BLVRB: variants seen among roughly 807,000 people sequenced by gnomAD.
The protein encoded by BLVRB is biliverdin reductase B, also known as flavin reductase (NADPH).
BLVRB carries 25 observed loss-of-function variants against 21.1 expected under a neutral mutation model. The ratio of observed to expected loss-of-function variants is 1.19; its 90% CI spans 0.86 to 1.66. The LOEUF (loss-of-function observed/expected upper bound fraction) is 1.66. BLVRB is among the 40% of genes most tolerant of loss of function. The probability of loss-of-function intolerance (pLI) is 0.00; values close to 1 mark genes in which losing one functional copy is unlikely to be tolerated. For synonymous variants in BLVRB, 128 were observed against 122.2 expected (o/e 1.05, Z -0.31); for missense variants, 274 against 282.7 (o/e 0.97, Z 0.22).
intron 3 of BLVRB, among the ~76,000 whole-genome samples, chr19:40,455,957 CA>C (rs2079760548): frequency 6.6e-6 from 1 of 151,692 alleles, no homozygotes; most frequent in Non-Finnish European, 1.5e-5. Context: ...ACCAAAAATA[CA>C]AAAATTAGCC....
At chr19:40,461,735 T>C (rs977685654) in intron 1 of BLVRB, among the ~76,000 whole-genome samples, 1 of 152,040 alleles carries the variant, frequency 6.6e-6, no homozygotes, top group Non-Finnish European at 1.5e-5. Flanking sequence ...CTCCTGACTG[T>C]GTGATCCACC....
At chr19:40,448,603 C>T (rs1368871041) in intron 4 of BLVRB, among the ~76,000 whole-genome samples, 1 of 63,848 alleles carries the variant, frequency 1.6e-5, no homozygotes, top group Non-Finnish European at 2.8e-5. Context: ...ACAACAACAA[C>T]AACAAATATA....
At chr19:40,460,933 T>A (rs2079784356) in intron 1 of BLVRB, among the ~76,000 whole-genome samples, 1 of 151,174 alleles carries the variant, frequency 6.6e-6, no homozygotes, top group Admixed American at 6.6e-5. Flanking sequence ...GATTGTGCCA[T>A]TGCACGCCAG....
In BLVRB at chr19:40,457,381, A is replaced by C. The variant is rs553243599; in HGVS notation, c.334+774T>G. The stretch of plus-strand genomic sequence containing the variant: ...CCTCATGCCACTTCCCTTTCCAGGG[A>C]GGCAATTTGTGTCATGAAACACACT... On this transcript the variant is annotated intron_variant, in intron 3 of 4. Coordinates refer to ENST00000263368, the MANE Select transcript of BLVRB (RefSeq NM_000713.3). 5.9e-5 allele frequency: 9 copies of C among 152,218 alleles called. No individual in the cohort carries two copies. In the South Asian group the frequency reaches 1.9e-3, roughly 32 times the overall value. The allele number at this position is 152,218 out of a possible 1,614,324, so 9.4% of individuals were successfully genotyped here.
intron 3 of BLVRB, among the ~76,000 whole-genome samples, chr19:40,456,300 G>T (rs971781767): frequency 6.6e-6 from 1 of 152,008 alleles, no homozygotes; most frequent in African/African-American, 2.4e-5. Flanking sequence ...GCTCATACCT[G>T]TTGCCCCAGC....
At chr19:40,460,802 G>T (rs1376373500) in intron 1 of BLVRB, among the ~76,000 whole-genome samples, 6 of 151,836 alleles carry the variant, frequency 4.0e-5, no homozygotes, top group Non-Finnish European at 7.4e-5. Context: ...GGGAAACCCC[G>T]CCTCTACTAA....
chr19:40,463,526 T>TCTCCCTCC (rs1167341659), intron 1 of BLVRB, among the ~76,000 whole-genome samples: 2 of 146,366 alleles, frequency 1.4e-5, no homozygotes, highest in Non-Finnish European at 3.0e-5. Context: ...CCAAGCCCCT[T>TCTCCCTCC]CTCCCTCCCT....
chr19:40,451,458 TG>T lies in BLVRB; in HGVS notation c.368del (p.Pro123HisfsTer6), dbSNP rs1409465305. On this transcript the variant is annotated frameshift_variant, in exon 4 of 5. Coordinates refer to ENST00000263368, the MANE Select transcript of BLVRB (RefSeq NM_000713.3). LOFTEE classifies it high-confidence loss of function. ...GGTCATCAGTCACAGCCTGCAGTCG[TG>T]GGGGCACCTTGGTAGGGTCCCAGAG... Reference protein sequence around the residue: ...FLLWDPTKVPPRLQAVTDDHI... With the variant: ...FLLWDPTKVPXRLQAVTDDHI... 6.2e-7 allele frequency: 1 copy of T among 1,612,598 alleles called. No individual in the cohort carries two copies. Among genetic ancestry groups the T allele is most frequent in the Non-Finnish European group, 8.5e-7 (1 of 1,179,532 alleles).
chr19:40,464,772 G>A (rs1452952025), intron 1 of BLVRB, among the ~76,000 whole-genome samples: 1 of 152,156 alleles, frequency 6.6e-6, no homozygotes, highest in African/African-American at 2.4e-5. Context: ...GCAGAGTGGG[G>A]TCCTGTTGGC....
chr19:40,450,430 A>C (rs1372591455), intron 4 of BLVRB: 2 of 144,726 alleles, frequency 1.4e-5, no homozygotes, highest in African/African-American at 2.5e-5. Flanking sequence ...GGGTTTCACC[A>C]TGTTAGCCAG....
intron 1 of BLVRB, among the ~76,000 whole-genome samples, chr19:40,464,269 A>G (rs963128026): frequency 7.4e-5 from 11 of 149,200 alleles, no homozygotes; most frequent in Non-Finnish European, 1.5e-4. Context: ...TTTTTTTTGT[A>G]TTTTTGTAGA....
At position 40,462,170 on chromosome 19, in the gene BLVRB, C is replaced by A. The variant is rs375023103; in HGVS notation, c.79+3440G>T. Among the ~76,000 whole-genome samples the A allele has an allele frequency of 9.8e-5, 15 of 152,316 alleles. No homozygotes were observed. In the East Asian group the frequency reaches 1.9e-3, roughly 20 times the overall value. On this transcript the variant is annotated intron_variant, in intron 1 of 4. Coordinates refer to ENST00000263368, the MANE Select transcript of BLVRB (RefSeq NM_000713.3). ...ATCTCTGAAGTGAGGATCACAGCAC[C>A]AGCCTCCCCGTGCTATGTGACCACC...
intron 4 of BLVRB, among the ~76,000 whole-genome samples, chr19:40,448,626 T>A (rs946253105): frequency 1.4e-5 from 2 of 145,384 alleles, no homozygotes; most frequent in South Asian, 2.2e-4. Context: ...TATATATATA[T>A]ATATATATAT....
rs911512920 is a variant in BLVRB at position 40,458,306 on chromosome 19, GCGGGGC to G, written c.245-68_245-63del. ...GGCGGCGGCGGCAGGGGTGGCAGGG[GCGGGGC>G]CGGGGGCGGGGGTGGCGCTGGGGGC... On this transcript the variant is annotated intron_variant, in intron 2 of 4. Coordinates refer to ENST00000263368, the MANE Select transcript of BLVRB (RefSeq NM_000713.3). The G allele has an allele frequency of 2.1e-5, 32 of 1,520,366 alleles. No homozygotes were observed. The African/African-American group carries it at 4.1e-4, about 20-fold the overall frequency. The allele number at this position is 1,520,366 out of a possible 1,614,324, so 94.2% of individuals were successfully genotyped here. A position where few individuals can be genotyped will look rare whatever the true frequency, so the allele number is the denominator to read the frequency against.
At chr19:40,463,483 G>C (rs911260759) in intron 1 of BLVRB, among the ~76,000 whole-genome samples, 17 of 152,052 alleles carry the variant, frequency 1.1e-4, no homozygotes, top group Admixed American at 8.5e-4. Flanking sequence ...TAAGACTCTT[G>C]GCCCTACAGA....
intron 1 of BLVRB, among the ~76,000 whole-genome samples, chr19:40,462,026 T>C (rs2079789661): frequency 6.6e-6 from 1 of 152,228 alleles, no homozygotes; most frequent in Non-Finnish European, 1.5e-5. Flanking sequence ...CCTGAACCTT[T>C]GTAAACACAA....
chr19:40,465,332 C>T (rs942570308), intron 1 of BLVRB, among the ~76,000 whole-genome samples: 4 of 152,238 alleles, frequency 2.6e-5, no homozygotes, highest in Non-Finnish European at 5.9e-5. Flanking sequence ...TAATGACAAC[C>T]GCATTGCATA....
chr19:40,455,715 CAAAA>C (rs1404331554), intron 3 of BLVRB, among the ~76,000 whole-genome samples: 1 of 151,996 alleles, frequency 6.6e-6, no homozygotes, highest in African/African-American at 2.4e-5. Context: ...AACAAACAAA[CAAAA>C]AACCCAAATA....
chr19:40,449,399 C>T lies in BLVRB; in HGVS notation c.464-1353G>A, dbSNP rs559475834. 2.6e-5 allele frequency among the ~76,000 whole-genome samples: 4 copies of T among 152,188 alleles called. No individual in the cohort carries two copies. In the East Asian group the frequency reaches 7.7e-4, roughly 29 times the overall value. On this transcript the variant is annotated intron_variant, in intron 4 of 4. Coordinates refer to ENST00000263368, the MANE Select transcript of BLVRB (RefSeq NM_000713.3). ...TATCTGGGATTACAGGTGTCCGCCA[C>T]CACACCTGGCTAATTTTTGTATTTT...
Sources: gnomAD v4.1 joint callset for allele counts (sites outside exome capture counted in the v4.1 genomes callset) on GRCh38, gnomAD v4.1.1 for gene constraint, MANE v1.5 for transcripts, NCBI Gene and HGNC (gene_info 2026-07-23, HGNC 2026-07-21) for gene names.